Variants in PCDH9 observed in about 807,000 individuals in gnomAD.
The protein encoded by PCDH9 is protocadherin-9.
A neutral mutation model predicts 70.6 loss-of-function variants in PCDH9; 24 were observed. That is an observed-to-expected ratio of 0.34 (90% CI 0.25 to 0.48). The LOEUF (loss-of-function observed/expected upper bound fraction) is 0.48. PCDH9 is among the 20% of genes least tolerant of loss of function. The pLI, the probability that PCDH9 is intolerant of heterozygous loss-of-function variation, is 0.99. For synonymous variants in PCDH9, 562 were observed against 558.5 expected (o/e 1.01, Z -0.09); for missense variants, 1,281 against 1,503.6 (o/e 0.85, Z 2.45).
intron 3 of PCDH9, among the ~76,000 whole-genome samples, chr13:66,814,126 C>A (rs994276334): frequency 1.3e-5 from 2 of 152,000 alleles, no homozygotes; most frequent in African/African-American, 2.4e-5. Context: ...AAAGTCAACA[C>A]GTAATATTTT....
chr13:66,750,297 G>C (rs1387872069), intron 3 of PCDH9, among the ~76,000 whole-genome samples: 4 of 152,022 alleles, frequency 2.6e-5, no homozygotes, highest in African/African-American at 9.7e-5. Context: ...TGTGAAATAA[G>C]TGCACTCAGC....
At chr13:66,475,544 C>A (rs1374438527) in intron 4 of PCDH9, among the ~76,000 whole-genome samples, 2 of 152,070 alleles carry the variant, frequency 1.3e-5, no homozygotes, top group African/African-American at 4.8e-5. Context: ...TTTTCATTCA[C>A]AAATGTATTC....
At chr13:66,982,002 G>C (rs931954955) in intron 2 of PCDH9, among the ~76,000 whole-genome samples, 7 of 152,140 alleles carry the variant, frequency 4.6e-5, no homozygotes, top group African/African-American at 1.4e-4. Context: ...GCTGGAGGTA[G>C]GGTCTAGTGA....
intron 3 of PCDH9, among the ~76,000 whole-genome samples, chr13:66,818,796 A>T (rs924390582): frequency 1.3e-5 from 2 of 151,870 alleles, no homozygotes; most frequent in East Asian, 1.9e-4. Context: ...TAGCCGGGCG[A>T]GGTGGCGGGC....
intron 3 of PCDH9, among the ~76,000 whole-genome samples, chr13:66,784,244 G>A (rs2080044628): frequency 6.6e-6 from 1 of 152,080 alleles, no homozygotes; most frequent in Admixed American, 6.6e-5. Context: ...ATTACCAGAT[G>A]CCTAAATTTG....
At chr13:66,738,550 C>A (rs988197739) in intron 3 of PCDH9, among the ~76,000 whole-genome samples, 3 of 126,202 alleles carry the variant, frequency 2.4e-5, no homozygotes, top group Admixed American at 1.7e-4. Flanking sequence ...CTCTGAGCTA[C>A]GGGAGGACAT....
rs139674595 is a variant in PCDH9, at chr13:66,571,636, T to A, written c.3340+59574A>T. ...CTTGATAGTTCAACGGCTAAAAGACTGTTGTTTTTGTATAATTATTCTTAT... is the reference window on the plus strand; with the variant it reads ...CTTGATAGTTCAACGGCTAAAAGACAGTTGTTTTTGTATAATTATTCTTAT... On this transcript the variant is annotated intron_variant, in intron 4 of 4. Transcript: ENST00000377865. 9.2e-5 allele frequency among the ~76,000 whole-genome samples: 14 copies of A among 152,224 alleles called. No homozygotes were observed. The East Asian group carries it at 2.3e-3, about 25-fold the overall frequency.
Position 67,109,542 on chromosome 13 carries a change from G to C in PCDH9, c.3036+115863C>G, listed in dbSNP as rs1239623283. On this transcript the variant is annotated intron_variant, in intron 2 of 4. Coordinates refer to ENST00000377865, the MANE Select transcript of PCDH9 (RefSeq NM_203487.3). ...ACCTTCACTTCTGATTTTTAAAAAG[G>C]TTTCTCTAAAATTGTGTCTAATGCT... Among the ~76,000 whole-genome samples the C allele has an allele frequency of 2.0e-5, 3 of 152,116 alleles. No individual in the cohort carries two copies. In the East Asian group the frequency reaches 5.8e-4, roughly 29 times the overall value.
rs538388016 is a variant in PCDH9, at chr13:67,172,672, G to A, written c.3036+52733C>T. 5.9e-5 allele frequency among the ~76,000 whole-genome samples: 9 copies of A among 152,088 alleles called. No individual in the cohort carries two copies. In the East Asian group the frequency reaches 1.2e-3, roughly 20 times the overall value. On this transcript the variant is annotated intron_variant, in intron 2 of 4. Coordinates refer to ENST00000377865, the MANE Select transcript of PCDH9 (RefSeq NM_203487.3). ...GTGGGAGGATCACCTGAGGTCCGGAGTTCGACACCAGCCTGACCAAAAAGG... is the reference window on the plus strand; with the variant it reads ...GTGGGAGGATCACCTGAGGTCCGGAATTCGACACCAGCCTGACCAAAAAGG...
intron 3 of PCDH9, among the ~76,000 whole-genome samples, chr13:66,783,820 T>C (rs532650867): frequency 2.4e-4 from 36 of 152,278 alleles, no homozygotes; most frequent in African/African-American, 8.4e-4. Flanking sequence ...TTACTTTAGG[T>C]ACAACATAAC....
intron 2 of PCDH9, among the ~76,000 whole-genome samples, chr13:67,074,064 CTATCTATCTGTT>C (rs1169655145): frequency 6.7e-6 from 1 of 149,292 alleles, no homozygotes; most frequent in Non-Finnish European, 1.5e-5. Flanking sequence ...ATCTATCTAT[CTATCTATCTGTT>C]TATTATCTAT....
chr13:66,478,124 TC>T (rs1958766895), intron 4 of PCDH9, among the ~76,000 whole-genome samples: 1 of 152,216 alleles, frequency 6.6e-6, no homozygotes, highest in African/African-American at 2.4e-5. Flanking sequence ...TATTATTATC[TC>T]TGTTATGGTG....
At chr13:66,930,999 A>C (rs2082798903) in intron 2 of PCDH9, among the ~76,000 whole-genome samples, 1 of 152,160 alleles carries the variant, frequency 6.6e-6, no homozygotes, top group Non-Finnish European at 1.5e-5. Context: ...CAATGCATTA[A>C]GTGGCAGCAC....
chr13:66,622,416 T>G (rs1566461903), intron 4 of PCDH9, among the ~76,000 whole-genome samples: 1 of 152,118 alleles, frequency 6.6e-6, no homozygotes, highest in South Asian at 2.1e-4. Context: ...GGCTTCTGAG[T>G]CTGGTGGGGA....
At chr13:66,387,565 C>G (rs1452164884) in intron 4 of PCDH9, among the ~76,000 whole-genome samples, 1 of 148,112 alleles carries the variant, frequency 6.8e-6, no homozygotes, top group African/African-American at 2.5e-5. Flanking sequence ...AAAAAAAAGT[C>G]CAGCACCTTC....
intron 2 of PCDH9, chr13:67,224,033 T>C (rs1037752068): frequency 6.6e-6 from 1 of 152,192 alleles, no homozygotes; most frequent in Non-Finnish European, 1.5e-5. Context: ...CAATAAAACA[T>C]CCTACTTCAC....
At chr13:66,941,857 AT>A (rs2083011480) in intron 2 of PCDH9, among the ~76,000 whole-genome samples, 1 of 151,978 alleles carries the variant, frequency 6.6e-6, no homozygotes, top group South Asian at 2.1e-4. Context: ...TGGCCCAAAA[AT>A]AGCAGAATGT....
chr13:67,050,427 C>G (rs1297317368), intron 2 of PCDH9, among the ~76,000 whole-genome samples: 1 of 152,102 alleles, frequency 6.6e-6, no homozygotes, highest in African/African-American at 2.4e-5. Context: ...AAGAATGACT[C>G]TCATTTAATG....
chr13:66,368,124 AAAAG>A (rs1282366153), intron 4 of PCDH9, among the ~76,000 whole-genome samples: 1 of 152,116 alleles, frequency 6.6e-6, no homozygotes, highest in Non-Finnish European at 1.5e-5. Context: ...TTCAGTTTAA[AAAAG>A]AAAGAAAAAT....
Sources: gnomAD v4.1 joint callset for allele counts (sites outside exome capture counted in the v4.1 genomes callset) on GRCh38, gnomAD v4.1.1 for gene constraint, MANE v1.5 for transcripts, NCBI Gene and HGNC (gene_info 2026-07-23, HGNC 2026-07-21) for gene names.